CAPN8: variants seen among roughly 807,000 people sequenced by gnomAD.
CAPN8 encodes calpain-8.
A neutral mutation model predicts 80.9 loss-of-function variants in CAPN8; 87 were observed. The ratio of observed to expected loss-of-function variants is 1.07; its 90% confidence interval spans 0.90 to 1.28. The LOEUF is 1.28. CAPN8 is among the 50% of genes most tolerant of loss of function. The pLI is 0.00. For synonymous variants in CAPN8, 299 were observed against 273.8 expected (o/e 1.09, Z -0.91); for missense variants, 757 against 702.0 (o/e 1.08, Z -0.89).
rs1658763931 is a variant in CAPN8 at position 223,665,538 on chromosome 1, G to A, written c.109C>T (p.Gln37Ter). The A allele has an allele frequency of 3.2e-6, 5 of 1,551,746 alleles. No individual in the cohort carries two copies. The East Asian group carries it at 9.8e-5, about 30-fold the overall frequency. ...AGGACCCCTGAGTCCAAGCACTGTT[G>A]CCTCAGGGTCTTGAAATCCTGGCCC... is the stretch of plus-strand genomic sequence containing the variant. ...YLGQDFKTLR[Q>*]QCLDSGVLFK... The change falls in exon 1 of 21, where the codon CAA (glutamine) becomes TAA (stop). Residue 37 changes from glutamine to a stop codon, truncating the protein, a stop_gained. Transcript: ENST00000366872. LOFTEE classifies it high-confidence loss of function.
rs1422523483 is a variant in CAPN8, at chr1:223,553,917, T to C, written c.1573-17A>G. On this transcript the variant is annotated splice_polypyrimidine_tract_variant and intron_variant, in intron 13 of 20. Coordinates refer to ENST00000366872, the MANE Select transcript of CAPN8 (RefSeq NM_001143962.2). ...GGGATGTGGCTAAAAAGAAGGACAT[T>C]TGCAAAGTTAAAATGGGAATCGTCA... The C allele has an allele frequency of 2.5e-5, 10 of 398,472 alleles. No individual in the cohort carries two copies. The highest frequency in any genetic ancestry group is 4.1e-5 in the African/African-American group (2 of 48,624). The allele number at this position is 398,472 out of a possible 1,614,324, so 24.7% of individuals were successfully genotyped here.
rs1234027137 is a variant in CAPN8 at position 223,627,998 on chromosome 1, C to T, written c.560+11G>A. On this transcript the variant is annotated intron_variant, in intron 4 of 20. Coordinates refer to ENST00000366872, the MANE Select transcript of CAPN8 (RefSeq NM_001143962.2). Reference sequence around the variant, plus strand: ...TCTGGCGTCTCCCAGCTCCTGGCTTCCCCCACTTACTTGGCATAGGCTTTC... The same window carrying T: ...TCTGGCGTCTCCCAGCTCCTGGCTTTCCCCACTTACTTGGCATAGGCTTTC... 10 of 1,527,712 alleles carry T rather than the reference C, an allele frequency of 6.5e-6. No individual in the cohort carries two copies. Among genetic ancestry groups the T allele is most frequent in the Non-Finnish European group, 8.0e-6 (9 of 1,130,706 alleles). The allele number at this position is 1,527,712 out of a possible 1,614,324, so 94.6% of individuals were successfully genotyped here. A position where few individuals can be genotyped will look rare whatever the true frequency, so the allele number is the denominator to read the frequency against.
At chr1:223,657,815 A>G (rs1658539593) in intron 1 of CAPN8, among the ~76,000 whole-genome samples, 1 of 152,148 alleles carries the variant, frequency 6.6e-6, no homozygotes, top group Non-Finnish European at 1.5e-5. Flanking sequence ...TCCGCCATTC[A>G]TCCATCGGTC....
At chr1:223,553,218 T>C (rs1459859129) in intron 14 of CAPN8, among the ~76,000 whole-genome samples, 1 of 152,272 alleles carries the variant, frequency 6.6e-6, no homozygotes, top group Admixed American at 6.5e-5. Flanking sequence ...CTTTGACTTG[T>C]GGCCCCCACC....
At chr1:223,618,167 G>A (rs1041499481) in intron 9 of CAPN8, 1 of 1,493,544 alleles carries the variant, frequency 6.7e-7, no homozygotes, top group African/African-American at 1.4e-5. Context: ...GGAGCAGGAG[G>A]TGAAAAGTAG....
chr1:223,556,119 GT>G (rs1372046526), intron 13 of CAPN8, among the ~76,000 whole-genome samples: 5 of 152,214 alleles, frequency 3.3e-5, no homozygotes, highest in Non-Finnish European at 5.9e-5. Flanking sequence ...CCAAGAGTGT[GT>G]TTGTTCACCC....
intron 2 of CAPN8, chr1:223,644,211 T>C: frequency 5.3e-6 from 2 of 374,056 alleles, no homozygotes; most frequent in Non-Finnish European, 1.0e-5. Context: ...CTGCATCAAC[T>C]AATACAAGGT....
chr1:223,551,546 G>A (rs1010580360), intron 14 of CAPN8, among the ~76,000 whole-genome samples: 5 of 152,204 alleles, frequency 3.3e-5, no homozygotes, highest in African/African-American at 1.2e-4. Flanking sequence ...CCATGAGTGT[G>A]GTACACACCG....
intron 7 of CAPN8, among the ~76,000 whole-genome samples, chr1:223,622,015 AG>A (rs780706835): frequency 6.6e-6 from 1 of 152,152 alleles, no homozygotes; most frequent in Non-Finnish European, 1.5e-5. Context: ...CATGTTGGTC[AG>A]GCTGGTCTCG....
chr1:223,648,241 A>AAGTGAAGTAGGAAGT (rs1658243484), intron 2 of CAPN8, among the ~76,000 whole-genome samples: 3 of 152,236 alleles, frequency 2.0e-5, no homozygotes, highest in African/African-American at 7.2e-5. Context: ...TAGAGGAGCC[A>AAGTGAAGTAGGAAGT]CCACGGGTAG....
At chr1:223,632,792 C>T (rs1477881795) in intron 2 of CAPN8, among the ~76,000 whole-genome samples, 4 of 152,206 alleles carry the variant, frequency 2.6e-5, no homozygotes, top group Non-Finnish European at 4.4e-5. Flanking sequence ...TGGCCACCTT[C>T]GAGCTAGGGC....
intron 7 of CAPN8, among the ~76,000 whole-genome samples, chr1:223,620,900 C>T (rs1470917196): frequency 6.6e-6 from 1 of 151,448 alleles, no homozygotes; most frequent in African/African-American, 2.4e-5. Flanking sequence ...CTGACCTTTA[C>T]GAAGTTAGGT....
intron 10 of CAPN8, among the ~76,000 whole-genome samples, chr1:223,614,162 G>A (rs141868906): frequency 1.2e-3 from 185 of 152,290 alleles, no homozygotes; most frequent in African/African-American, 4.2e-3. Flanking sequence ...ACTTTGGGAG[G>A]CCAAAGCGGG....
rs757244228 is a variant in CAPN8, at chr1:223,549,470, A to G, written c.1700-88T>C. 10 of 1,540,616 alleles carry G rather than the reference A, an allele frequency of 6.5e-6. No homozygotes were observed. The South Asian group carries it at 1.2e-4, about 18-fold the overall frequency. ...TCCACGGTAGAAGACCTCCAAAGATACCATCCAAGGGTGTGGAACCGAACT... is the reference window on the plus strand; with the variant it reads ...TCCACGGTAGAAGACCTCCAAAGATGCCATCCAAGGGTGTGGAACCGAACT... On this transcript the variant is annotated intron_variant, in intron 15 of 20. Transcript: ENST00000366872.
chr1:223,624,616 A>T (rs888253374), intron 6 of CAPN8, among the ~76,000 whole-genome samples: 5 of 152,136 alleles, frequency 3.3e-5, no homozygotes, highest in African/African-American at 1.2e-4. Flanking sequence ...TGGGAGGCTG[A>T]AGCAGGAGGG....
chr1:223,627,719 A>G (rs140442046), intron 4 of CAPN8, among the ~76,000 whole-genome samples: 128 of 152,312 alleles, frequency 8.4e-4, no homozygotes, highest in Non-Finnish European at 1.2e-3. Flanking sequence ...TGCCCCAGGA[A>G]CCTACCTTGG....
chr1:223,639,673 T>C (rs1657996318), intron 2 of CAPN8, among the ~76,000 whole-genome samples: 1 of 152,268 alleles, frequency 6.6e-6, no homozygotes, highest in Non-Finnish European at 1.5e-5. Context: ...CTCTTCTGGT[T>C]TTGAGGGCTG....
At chr1:223,654,436 T>C in intron 1 of CAPN8, 37 bp from the exon 2 acceptor site, 1 of 1,530,594 alleles carries the variant, frequency 6.5e-7, no homozygotes, top group South Asian at 1.2e-5. Flanking sequence ...AGTCACAAGG[T>C]GCTCAGTGAT....
chr1:223,545,322 T>A, intron 16 of CAPN8, 23 bp from the exon 17 acceptor site: 1 of 1,551,496 alleles, frequency 6.4e-7, no homozygotes, highest in Non-Finnish European at 8.7e-7. Context: ...AAGACCAACA[T>A]GATTGAGTCC....
Sources: allele counts gnomAD v4.1 joint callset (sites outside exome capture counted in the v4.1 genomes callset), GRCh38; gene constraint gnomAD v4.1.1; transcripts MANE v1.5; gene names NCBI Gene and HGNC (gene_info 2026-07-23, HGNC 2026-07-21).